ACTR3B: variants seen among roughly 807,000 people sequenced by gnomAD.
The protein encoded by ACTR3B is actin related protein 3B, also known as actin-related protein 3B.
Under a neutral mutation model 59.0 loss-of-function variants are expected in ACTR3B, and 8 were observed. The observed-to-expected ratio is 0.14, with a 90% confidence interval of 0.08 to 0.24. ACTR3B has a LOEUF of 0.24. Among genes scored for constraint, ACTR3B ranks in the 10% least tolerant of loss-of-function variants. ACTR3B has a pLI of 1.00. For missense variants in ACTR3B, 245 were observed against 552.3 expected, an observed-to-expected ratio of 0.44 and a Z score of 5.58; for synonymous variants, 148 against 197.9, an observed-to-expected ratio of 0.75 and a Z score of 2.12.
chr7:152,848,031 A>G (rs1798497187), intron 9 of ACTR3B, among the ~76,000 whole-genome samples: 1 of 152,210 alleles, frequency 6.6e-6, no homozygotes, highest in African/African-American at 2.4e-5. Context: ...CAGTGATAGA[A>G]TTTAGGAGAC....
intron 1 of ACTR3B, among the ~76,000 whole-genome samples, chr7:152,766,087 AG>A (rs1273963079): frequency 3.6e-4 from 55 of 152,036 alleles, no homozygotes; most frequent in Non-Finnish European, 1.2e-4. Flanking sequence ...AGGTCTGTTC[AG>A]GGGTTCCGCA....
intron 1 of ACTR3B, among the ~76,000 whole-genome samples, chr7:152,760,136 G>A (rs1338378074): frequency 1.3e-5 from 2 of 152,176 alleles, no homozygotes; most frequent in Non-Finnish European, 2.9e-5. Context: ...GGCCACAAGA[G>A]GAAAAGCACG....
At position 152,826,590 on chromosome 7, in the gene ACTR3B, C is replaced by G. The variant is rs565144366; in HGVS notation, c.951+1468C>G. Among the ~76,000 whole-genome samples, 5 of 152,294 alleles carry G rather than the reference C, an allele frequency of 3.3e-5. No individual in the cohort carries two copies. In the South Asian group the frequency reaches 8.3e-4, roughly 25 times the overall value. Reference sequence around the variant, plus strand: ...GAAAGCTAGCGGGTCATGTCCTTCCCACTTCAATCCCACCTGACATTAGCT... The same window carrying G: ...GAAAGCTAGCGGGTCATGTCCTTCCGACTTCAATCCCACCTGACATTAGCT... On this transcript the variant is annotated intron_variant, in intron 9 of 11. Transcript: ENST00000256001.
chr7:152,817,825 G>A (rs541837051), intron 6 of ACTR3B, among the ~76,000 whole-genome samples: 2 of 152,348 alleles, frequency 1.3e-5, no homozygotes, highest in African/African-American at 2.4e-5. Flanking sequence ...ATTTTGAGAA[G>A]GTGATGGGGT....
chr7:152,775,613 G>T (rs965055298), intron 1 of ACTR3B, among the ~76,000 whole-genome samples: 4 of 151,996 alleles, frequency 2.6e-5, no homozygotes, highest in African/African-American at 9.7e-5. Context: ...TACAAAATTA[G>T]CTGGGCGTGG....
chr7:152,771,813 T>C (rs4071588), intron 1 of ACTR3B, among the ~76,000 whole-genome samples: 3 of 152,116 alleles, frequency 2.0e-5, no homozygotes, highest in African/African-American at 4.8e-5. Context: ...CGGTGGCTCG[T>C]GCCTATAATC....
At chr7:152,785,444 AGG>A (rs1388569192) in intron 2 of ACTR3B, among the ~76,000 whole-genome samples, 1 of 720 alleles carries the variant, frequency 1.4e-3, no homozygotes, top group African/African-American at 7.5e-3. Flanking sequence ...GGGGAGGGGG[AGG>A]GGGGAGAGGG....
chr7:152,761,296 C>T (rs1242320557), intron 1 of ACTR3B, among the ~76,000 whole-genome samples: 1 of 152,136 alleles, frequency 6.6e-6, no homozygotes, highest in East Asian at 1.9e-4. Context: ...AATGGGTTCA[C>T]CTCAGGTCCC....
intron 9 of ACTR3B, among the ~76,000 whole-genome samples, chr7:152,828,426 C>T (rs895587960): frequency 1.3e-5 from 2 of 152,194 alleles, no homozygotes; most frequent in Non-Finnish European, 2.9e-5. Context: ...TGAAGCTGCA[C>T]TGACGAGGTT....
intron 1 of ACTR3B, among the ~76,000 whole-genome samples, chr7:152,760,168 A>T (rs2098084786): frequency 6.6e-6 from 1 of 151,660 alleles, no homozygotes; most frequent in Non-Finnish European, 1.5e-5. Context: ...CGCGGTGCCC[A>T]CTCTGAGCGA....
intron 1 of ACTR3B, among the ~76,000 whole-genome samples, chr7:152,779,468 G>A (rs1235432356): frequency 6.6e-6 from 1 of 152,126 alleles, no homozygotes; most frequent in Non-Finnish European, 1.5e-5. Context: ...ATGTCCACCC[G>A]CCTCCCCTAT....
At chr7:152,777,807 C>T (rs868254194) in intron 1 of ACTR3B, among the ~76,000 whole-genome samples, 34 of 151,970 alleles carry the variant, frequency 2.2e-4, no homozygotes, top group Middle Eastern at 3.2e-3. Context: ...AAAAATTAGC[C>T]GGGCGTGGTG....
chr7:152,788,005 A>G (rs1174502790), intron 2 of ACTR3B, among the ~76,000 whole-genome samples: 3 of 151,776 alleles, frequency 2.0e-5, no homozygotes, highest in Admixed American at 2.0e-4. Context: ...GCTCATTGCA[A>G]CCTCCGCCTC....
intron 2 of ACTR3B, among the ~76,000 whole-genome samples, chr7:152,793,424 C>T (rs2098204592): frequency 7.7e-6 from 1 of 130,646 alleles, no homozygotes; most frequent in African/African-American, 3.1e-5. Flanking sequence ...TTTCTTTCCT[C>T]TGTCCTTTTC....
intron 1 of ACTR3B, among the ~76,000 whole-genome samples, chr7:152,774,268 C>T (rs2098131299): frequency 6.6e-6 from 1 of 152,180 alleles, no homozygotes; most frequent in Non-Finnish European, 1.5e-5. Context: ...TCCCGAGTAG[C>T]TGGGATTACA....
intron 11 of ACTR3B, 139 bp downstream of exon 11, chr7:152,853,716 A>T: frequency 1.4e-6 from 1 of 737,680 alleles, no homozygotes; most frequent in South Asian, 2.0e-5. Context: ...GATATAAATT[A>T]TATCTTTTTT....
At position 152,854,777 on chromosome 7, in the gene ACTR3B, C is replaced by G; in HGVS notation, c.*224C>G. The G allele has an allele frequency of 2.0e-6, 1 of 503,762 alleles. No individual in the cohort carries two copies. Among genetic ancestry groups the G allele is most frequent in the East Asian group, 3.3e-5 (1 of 30,336 alleles). The allele number at this position is 503,762 out of a possible 1,614,324, so 31.2% of individuals were successfully genotyped here. On this transcript the variant is annotated 3_prime_UTR_variant, in exon 12 of 12. Coordinates refer to ENST00000256001, the MANE Select transcript of ACTR3B (RefSeq NM_020445.6). The surrounding 1 kb of genome is among the most constrained non-coding windows in gnomAD (Gnocchi z 4.9). ...TCCTCCTTCTCCCGCCCTCCTCACC[C>G]TCGCTCTCCCTCCTCCTCCTCCTCC...
chr7:152,833,124 G>C (rs1281976712), intron 9 of ACTR3B, among the ~76,000 whole-genome samples: 1 of 152,242 alleles, frequency 6.6e-6, no homozygotes, highest in Non-Finnish European at 1.5e-5. Flanking sequence ...GGGGTGAGCA[G>C]CCTTGTGAGA....
chr7:152,828,112 T>G (rs1034097274), intron 9 of ACTR3B, among the ~76,000 whole-genome samples: 1 of 152,152 alleles, frequency 6.6e-6, no homozygotes, highest in African/African-American at 2.4e-5. Flanking sequence ...TGTAGACATG[T>G]GAGGAGTTAC....
Sources: allele counts gnomAD v4.1 joint callset (sites outside exome capture counted in the v4.1 genomes callset), GRCh38; gene constraint gnomAD v4.1.1; non-coding constraint Gnocchi (gnomAD v3.1); transcripts MANE v1.5; gene names NCBI Gene and HGNC (gene_info 2026-07-23, HGNC 2026-07-21).